The following MDH1B variants were observed in gnomAD, a reference collection of about 807,000 sequenced individuals.
MDH1B encodes the protein malate dehydrogenase 1B.
MDH1B carries 60 observed loss-of-function variants against 61.4 expected under a neutral mutation model. The ratio of observed to expected loss-of-function variants is 0.98; its 90% CI spans 0.79 to 1.21. The LOEUF is 1.21. Ranked by LOEUF, MDH1B falls within the 50% of genes most tolerant of loss-of-function variation. MDH1B has a pLI of 0.00. For synonymous variants in MDH1B, 236 were observed against 218.7 expected (o/e 1.08, Z -0.70); for missense variants, 587 against 632.1 (o/e 0.93, Z 0.76).
chr2:206,751,039 C>A lies in MDH1B; in HGVS notation c.947G>T (p.Gly316Val). 6.2e-7 allele frequency: 1 copy of A among 1,606,342 alleles called. No individual in the cohort carries two copies. Among genetic ancestry groups the A allele is most frequent in the South Asian group, 1.1e-5 (1 of 89,930 alleles). Residue 316 changes from glycine (G) to valine (V), a missense_variant, in exon 6 of 12, where the codon GGA (glycine) becomes GTA (valine). By Grantham distance (109) the Gly-to-Val change is moderately radical (BLOSUM62 -3). Transcript: ENST00000374412. ...TTTTCTCAGATCAACGTAATTATTTCCACTGATATTACCCCAAATGATCAC... is the reference window on the plus strand; with the variant it reads ...TTTTCTCAGATCAACGTAATTATTTACACTGATATTACCCCAAATGATCAC... ...KDVIIWGNISGNNYVDLRKTR... is the reference protein window; with the variant it reads ...KDVIIWGNISVNNYVDLRKTR...
At chr2:206,764,141 T>C (rs1424488533) in intron 1 of MDH1B, among the ~76,000 whole-genome samples, 3 of 151,806 alleles carry the variant, frequency 2.0e-5, no homozygotes, top group Non-Finnish European at 4.4e-5. Context: ...TCTACAAAAA[T>C]ACAAAAATTA....
At chr2:206,764,782 G>A (rs566202083) in intron 1 of MDH1B, among the ~76,000 whole-genome samples, 2 of 152,142 alleles carry the variant, frequency 1.3e-5, no homozygotes, top group East Asian at 1.9e-4. Flanking sequence ...GTCCTGTCAC[G>A]CCCCACATAT....
chr2:206,758,715 G>A (rs574338997), intron 2 of MDH1B, among the ~76,000 whole-genome samples: 5 of 151,996 alleles, frequency 3.3e-5, no homozygotes, highest in East Asian at 1.9e-4. Context: ...GCAGTGAGCC[G>A]AGATTGCACC....
Position 206,739,415 on chromosome 2 carries a change from A to G in MDH1B, c.1528+178T>C, listed in dbSNP as rs115330138. ...GGCAACAGAGCAGACCTTGTCTTAAAAAAAAAAAGTGGGACGCTGGGATCC... is the reference window on the plus strand; with the variant it reads ...GGCAACAGAGCAGACCTTGTCTTAAGAAAAAAAAGTGGGACGCTGGGATCC... On this transcript the variant is annotated intron_variant, in intron 11 of 11. Transcript: ENST00000374412. Among the ~76,000 whole-genome samples the G allele has an allele frequency of 6.5e-3, 992 of 152,084 alleles. 5 individuals carry two copies. The highest frequency in any genetic ancestry group is 0.023 in the African/African-American group (949 of 41,478).
chr2:206,752,899 T>C (rs2105937440), intron 5 of MDH1B, among the ~76,000 whole-genome samples: 1 of 151,768 alleles, frequency 6.6e-6, no homozygotes, highest in Non-Finnish European at 1.5e-5. Context: ...ACGCCTTAGG[T>C]CCACCTATAG....
chr2:206,756,834 A>G, intron 4 of MDH1B, 64 bp downstream of exon 4: 1 of 1,564,016 alleles, frequency 6.4e-7, no homozygotes, highest in Admixed American at 1.8e-5. Flanking sequence ...AATTAATCCC[A>G]TCTCATTGTC....
intron 7 of MDH1B, among the ~76,000 whole-genome samples, chr2:206,748,205 C>A (rs1209663402): frequency 2.6e-5 from 4 of 152,084 alleles, no homozygotes; most frequent in Non-Finnish European, 5.9e-5. Context: ...ATGGTGAAAC[C>A]CCATCTCTAC....
chr2:206,738,433 T>C lies in MDH1B; in HGVS notation c.*50A>G. The C allele has an allele frequency of 4.4e-6, 6 of 1,351,964 alleles. No individual in the cohort carries two copies. Among genetic ancestry groups the C allele is most frequent in the Non-Finnish European group, 6.2e-6 (6 of 972,968 alleles). 83.7% of individuals were successfully genotyped at this position (1,351,964 alleles called of 1,614,324 possible). On this transcript the variant is annotated 3_prime_UTR_variant, in exon 12 of 12. Transcript: ENST00000374412. ...TATAGACATTCATATAAATTCTTTC[T>C]ATGTTTATTGTGCTATCAAGTAATT...
chr2:206,765,244 A>G lies in MDH1B; in HGVS notation c.22+6T>C. On this transcript the variant is annotated splice_donor_region_variant and intron_variant, in intron 1 of 11. Transcript: ENST00000374412. ...CAATCTGCGGGCGGACGCGGGGATC[A>G]CTCACCCGCGATGACGAATTTGGCC... 1 of 1,601,572 alleles carries G rather than the reference A, an allele frequency of 6.2e-7. No homozygotes were observed. The highest frequency in any genetic ancestry group is 8.5e-7 in the Non-Finnish European group (1 of 1,175,938).
chr2:206,753,580 G>T (rs768979542), intron 5 of MDH1B, among the ~76,000 whole-genome samples: 3 of 152,156 alleles, frequency 2.0e-5, no homozygotes, highest in Non-Finnish European at 4.4e-5. Flanking sequence ...GAAAAGGTTT[G>T]CCACCCTCTT....
chr2:206,740,123 T>C (rs371125644), intron 10 of MDH1B, among the ~76,000 whole-genome samples: 91 of 152,374 alleles, frequency 6.0e-4, no homozygotes, highest in African/African-American at 2.0e-3. Context: ...TCACATTATA[T>C]GTATACAGTT....
Position 206,753,926 on chromosome 2 carries a change from T to C in MDH1B, c.910+1083A>G, listed in dbSNP as rs559659053. Among the ~76,000 whole-genome samples the C allele has an allele frequency of 7.2e-5, 11 of 152,110 alleles. No individual in the cohort carries two copies. The East Asian group carries it at 2.1e-3, about 29-fold the overall frequency. Reference sequence around the variant, plus strand: ...TGTTTTAGATTCTTCTTGATACTTTTCAGTAGTGTATCATAGACTTTCTGA... The same window carrying C: ...TGTTTTAGATTCTTCTTGATACTTTCCAGTAGTGTATCATAGACTTTCTGA... On this transcript the variant is annotated intron_variant, in intron 5 of 11. Transcript: ENST00000374412.
intron 4 of MDH1B, 133 bp from the exon 5 acceptor site, chr2:206,755,638 C>G: frequency 1.8e-6 from 2 of 1,119,850 alleles, no homozygotes; most frequent in East Asian, 2.6e-5. Context: ...ACATAGCTGC[C>G]CTGACATTCT....
At chr2:206,756,592 AAG>A in intron 4 of MDH1B, 2 of 283,562 alleles carry the variant, frequency 7.1e-6, no homozygotes, top group Non-Finnish European at 1.3e-5. Flanking sequence ...GCACGTGGGA[AAG>A]AGGGAGAGAG....
intron 5 of MDH1B, among the ~76,000 whole-genome samples, chr2:206,752,553 G>A (rs1688510818): frequency 6.8e-6 from 1 of 146,740 alleles, no homozygotes; most frequent in Non-Finnish European, 1.5e-5. Flanking sequence ...GGAGGGTGGG[G>A]AGGGTGGGAG....
intron 2 of MDH1B, among the ~76,000 whole-genome samples, chr2:206,760,216 T>TA (rs1427922348): frequency 1.3e-5 from 2 of 152,148 alleles, no homozygotes; most frequent in African/African-American, 4.8e-5. Context: ...GCTGATAACT[T>TA]AAAGTCTGAC....
intron 3 of MDH1B, 93 bp from the exon 4 acceptor site, chr2:206,757,133 A>T: frequency 6.6e-7 from 1 of 1,526,472 alleles, no homozygotes; most frequent in South Asian, 1.2e-5. Flanking sequence ...GTCAAAAGAC[A>T]ATAAAAAGAG....
intron 6 of MDH1B, among the ~76,000 whole-genome samples, chr2:206,750,108 G>A (rs1427396948): frequency 6.6e-6 from 1 of 151,886 alleles, no homozygotes; most frequent in Non-Finnish European, 1.5e-5. Flanking sequence ...AAGCTCCTAT[G>A]GTCTGAGGAA....
chr2:206,764,134 A>G (rs538563403), intron 1 of MDH1B, among the ~76,000 whole-genome samples: 4 of 152,126 alleles, frequency 2.6e-5, no homozygotes, highest in African/African-American at 9.6e-5. Context: ...CCCCATCTCT[A>G]CAAAAATACA....
Sources: gnomAD v4.1 joint callset for allele counts (sites outside exome capture counted in the v4.1 genomes callset) on GRCh38, gnomAD v4.1.1 for gene constraint, MANE v1.5 for transcripts, NCBI Gene and HGNC (gene_info 2026-07-23, HGNC 2026-07-21) for gene names.